PPME1: variants seen among roughly 807,000 people sequenced by gnomAD.
PPME1 encodes protein phosphatase methylesterase 1.
A neutral mutation model predicts 56.9 loss-of-function variants in PPME1; 17 were observed. That is an observed-to-expected ratio of 0.30 (90% CI 0.20 to 0.45). The LOEUF is 0.45. Among genes scored for constraint, PPME1 ranks in the 20% least tolerant of loss-of-function variants. The pLI is 1.00. For synonymous variants in PPME1, 122 were observed against 156.2 expected (o/e 0.78, Z 1.63); for missense variants, 357 against 483.2 (o/e 0.74, Z 2.45).
intron 9 of PPME1, among the ~76,000 whole-genome samples, chr11:74,241,952 C>T (rs2135673559): frequency 6.6e-6 from 1 of 152,260 alleles, no homozygotes; most frequent in South Asian, 2.1e-4. Flanking sequence ...TGATGGCATT[C>T]TTAGAAGTAT....
intron 8 of PPME1, among the ~76,000 whole-genome samples, chr11:74,236,175 T>C (rs1859186636): frequency 6.6e-6 from 1 of 152,226 alleles, no homozygotes; most frequent in African/African-American, 2.4e-5. Flanking sequence ...CCCTTTCTTT[T>C]TTTTCCTCCT....
chr11:74,215,196 C>G (rs115156252), intron 3 of PPME1, among the ~76,000 whole-genome samples: 29 of 152,184 alleles, frequency 1.9e-4, no homozygotes, highest in African/African-American at 7.0e-4. Context: ...AAAAAATTGA[C>G]TAAGTGTAGT....
intron 3 of PPME1, among the ~76,000 whole-genome samples, chr11:74,217,705 A>T (rs1200274494): frequency 6.6e-6 from 1 of 152,164 alleles, no homozygotes; most frequent in African/African-American, 2.4e-5. Flanking sequence ...TTGATGCTGG[A>T]AAAGCATTTG....
chr11:74,241,378 C>G (rs956076616), intron 9 of PPME1, among the ~76,000 whole-genome samples: 5 of 152,186 alleles, frequency 3.3e-5, no homozygotes, highest in Non-Finnish European at 7.3e-5. Flanking sequence ...AGTTTTTAAT[C>G]CATTCATCGC....
At chr11:74,217,562 A>C (rs1423242472) in intron 3 of PPME1, among the ~76,000 whole-genome samples, 1 of 149,822 alleles carries the variant, frequency 6.7e-6, no homozygotes, top group African/African-American at 2.5e-5. Flanking sequence ...AAAAAAAAAA[A>C]AGGAAAAAGA....
At chr11:74,245,290 C>T (rs1326240690) in intron 9 of PPME1, among the ~76,000 whole-genome samples, 1 of 151,796 alleles carries the variant, frequency 6.6e-6, no homozygotes, top group Non-Finnish European at 1.5e-5. Flanking sequence ...ACATCTTAAG[C>T]ATCCAGTGAT....
intron 1 of PPME1, among the ~76,000 whole-genome samples, chr11:74,184,983 G>A (rs937094264): frequency 8.1e-5 from 11 of 135,662 alleles, no homozygotes; most frequent in Non-Finnish European, 1.6e-4. Flanking sequence ...TGCTTATGAA[G>A]TATGTCTTTT....
chr11:74,229,239 G>A (rs1859006492), intron 5 of PPME1, among the ~76,000 whole-genome samples: 1 of 152,102 alleles, frequency 6.6e-6, no homozygotes, highest in Non-Finnish European at 1.5e-5. Context: ...CACTGTGTGA[G>A]TGCTTAAGGT....
intron 1 of PPME1, 137 bp downstream of exon 1, chr11:74,171,659 GA>G (rs1857234291): frequency 8.5e-7 from 1 of 1,172,336 alleles, no homozygotes; most frequent in Admixed American, 2.9e-5. Flanking sequence ...TATTTAGATG[GA>G]GTAGAAGGCA....
At chr11:74,181,015 C>T (rs1857518838) in intron 1 of PPME1, among the ~76,000 whole-genome samples, 2 of 148,030 alleles carry the variant, frequency 1.4e-5, no homozygotes, top group African/African-American at 2.5e-5. Flanking sequence ...TTGGCAATGC[C>T]TTCCATTTTC....
At chr11:74,195,569 T>G (rs376756732) in intron 1 of PPME1, among the ~76,000 whole-genome samples, 38 of 152,316 alleles carry the variant, frequency 2.5e-4, no homozygotes, top group African/African-American at 8.9e-4. Flanking sequence ...TCTACAAACA[T>G]TCTTATATGT....
At chr11:74,238,618 A>T (rs553783377) in intron 8 of PPME1, 2 of 152,360 alleles carry the variant, frequency 1.3e-5, no homozygotes, top group South Asian at 4.1e-4. Context: ...TAAGAGAAAA[A>T]CAACAATGAT....
chr11:74,193,121 A>G (rs1377456695), intron 1 of PPME1, among the ~76,000 whole-genome samples: 2 of 152,212 alleles, frequency 1.3e-5, no homozygotes, highest in African/African-American at 4.8e-5. Context: ...CCCTGAGTAC[A>G]TTATGTTTTT....
rs188040052 is a variant in PPME1, at chr11:74,208,971, G to A, written c.288+4526G>A. ...GTTGTAGTTGTATAATATATGATGA[G>A]GGTGGAGAGCAGGGAAAGAAGTGAC... is the stretch of plus-strand genomic sequence containing the variant. On this transcript the variant is annotated intron_variant, in intron 3 of 13. Coordinates refer to ENST00000328257, the MANE Select transcript of PPME1 (RefSeq NM_016147.3). Among the ~76,000 whole-genome samples the A allele has an allele frequency of 8.5e-5, 13 of 152,270 alleles. No homozygotes were observed. The East Asian group carries it at 2.1e-3, about 25-fold the overall frequency.
chr11:74,206,865 C>T (rs1029732261), intron 3 of PPME1, among the ~76,000 whole-genome samples: 1 of 152,186 alleles, frequency 6.6e-6, no homozygotes, highest in Non-Finnish European at 1.5e-5. Context: ...CCAAGCCTGC[C>T]CTTCAATAAG....
At chr11:74,184,864 G>A (rs555578932) in intron 1 of PPME1, among the ~76,000 whole-genome samples, 1 of 152,110 alleles carries the variant, frequency 6.6e-6, no homozygotes, top group African/African-American at 2.4e-5. Context: ...CATGCAGGAT[G>A]TACTCAAAAT....
At chr11:74,208,804 A>G (rs1243929768) in intron 3 of PPME1, among the ~76,000 whole-genome samples, 1 of 152,254 alleles carries the variant, frequency 6.6e-6, no homozygotes, top group Non-Finnish European at 1.5e-5. Context: ...GACATCTGAA[A>G]TGGTTTTTAA....
chr11:74,241,903 A>T (rs1477074437), intron 9 of PPME1, among the ~76,000 whole-genome samples: 1 of 152,180 alleles, frequency 6.6e-6, no homozygotes, highest in Non-Finnish European at 1.5e-5. Context: ...TAATTTGCAA[A>T]TACTTTCTCC....
Position 74,196,274 on chromosome 11 carries a change from G to A in PPME1, c.102-7454G>A, listed in dbSNP as rs77399125. ...TTTATTTTAATGAAGTTCAAGTCCT[G>A]TGTCTTTTTTATCACTTCTGCTTTG... On this transcript the variant is annotated intron_variant, in intron 1 of 13. Transcript: ENST00000328257. Among the ~76,000 whole-genome samples the A allele has an allele frequency of 3.5e-3, 539 of 152,312 alleles. 5 individuals are homozygous for A. Among genetic ancestry groups the A allele is most frequent in the African/African-American group, 0.012 (511 of 41,572 alleles).
Sources: allele counts gnomAD v4.1 joint callset (sites outside exome capture counted in the v4.1 genomes callset), GRCh38; gene constraint gnomAD v4.1.1; transcripts MANE v1.5; gene names NCBI Gene and HGNC (gene_info 2026-07-23, HGNC 2026-07-21).